The following ENAH variants were observed in gnomAD, a reference collection of about 807,000 sequenced individuals.
ENAH encodes ENAH actin regulator.
Under a neutral mutation model 78.7 loss-of-function variants are expected in ENAH, and 23 were observed. That is an observed-to-expected ratio of 0.29 (90% CI 0.21 to 0.41). The LOEUF (loss-of-function observed/expected upper bound fraction) is 0.41, where lower values mean the gene tolerates loss of function less well. ENAH is among the 10% of genes least tolerant of loss of function. ENAH has a pLI of 1.00. For synonymous variants in ENAH, 226 were observed against 241.0 expected, an observed-to-expected ratio of 0.94 and a Z score of 0.58; for missense variants, 544 against 691.0, an observed-to-expected ratio of 0.79 and a Z score of 2.39.
At position 225,494,527 on chromosome 1, in the gene ENAH, T is replaced by C. The variant is rs1486487412; in HGVS notation, c.*3248A>G. On this transcript the variant is annotated 3_prime_UTR_variant, in exon 14 of 14. Coordinates refer to ENST00000366843, the MANE Select transcript of ENAH (RefSeq NM_018212.6). ...AAAAATTAAACACTTAATCATCATC[T>C]TGACTATAAGAGGAAGTTACTGTGT... is the stretch of plus-strand genomic sequence containing the variant. The C allele has an allele frequency of 6.6e-6, 1 of 152,142 alleles. No individual in the cohort carries two copies. Among genetic ancestry groups the C allele is most frequent in the East Asian group, 1.9e-4 (1 of 5,194 alleles). The allele number at this position is 152,142 out of a possible 1,614,324, so 9.4% of individuals were successfully genotyped here.
chr1:225,491,810 A>ATAAC lies in ENAH; in HGVS notation c.*5961_*5964dup, dbSNP rs1317120000. On this transcript the variant is annotated 3_prime_UTR_variant, in exon 14 of 14. Transcript: ENST00000366843. ...CGATTTTCTAAGCCTTCTTAGAAGA[A>ATAAC]TAACTATTTACTAAAACCCAACCAA... 1.3e-5 allele frequency: 2 copies of ATAAC among 152,222 alleles called. No individual in the cohort carries two copies. The highest frequency in any genetic ancestry group is 2.9e-5 in the Non-Finnish European group (2 of 68,042). 9.4% of individuals were successfully genotyped at this position (152,222 alleles called of 1,614,324 possible).
intron 1 of ENAH, among the ~76,000 whole-genome samples, chr1:225,606,255 A>T (rs1009027280): frequency 6.6e-6 from 1 of 152,112 alleles, no homozygotes; most frequent in East Asian, 1.9e-4. Flanking sequence ...TGAGTTCAGG[A>T]GTTCGAGACC....
intron 1 of ENAH, among the ~76,000 whole-genome samples, chr1:225,631,610 C>T (rs1659091064): frequency 6.7e-6 from 1 of 150,122 alleles, no homozygotes; most frequent in East Asian, 1.9e-4. Flanking sequence ...AACTAATATC[C>T]AATATTAAAA....
At chr1:225,534,346 C>G (rs1424459104) in intron 3 of ENAH, among the ~76,000 whole-genome samples, 1 of 152,094 alleles carries the variant, frequency 6.6e-6, no homozygotes, top group Non-Finnish European at 1.5e-5. Flanking sequence ...GTAACTGTGT[C>G]CTCTGGAACA....
At position 225,649,301 on chromosome 1, in the gene ENAH, T is replaced by C. The variant is rs149042680; in HGVS notation, c.5+3385A>G. On this transcript the variant is annotated intron_variant, in intron 1 of 13. Transcript: ENST00000366843. The stretch of plus-strand genomic sequence containing the variant: ...CTAGTGGAAGCCTGGACTATTTTAA[T>C]ACGGATCCAAGAATGTAAATACAAA... Among the ~76,000 whole-genome samples the C allele has an allele frequency of 3.6e-3, 541 of 152,138 alleles. 2 individuals are homozygous for C. The highest frequency in any genetic ancestry group is 0.013 in the African/African-American group (524 of 41,494).
chr1:225,502,855 G>GA (rs2096291580), intron 11 of ENAH, among the ~76,000 whole-genome samples: 1 of 152,104 alleles, frequency 6.6e-6, no homozygotes, highest in Non-Finnish European at 1.5e-5. Flanking sequence ...ACCTATTCCT[G>GA]TTCTCTAGAA....
intron 11 of ENAH, among the ~76,000 whole-genome samples, chr1:225,505,430 A>G (rs773348415): frequency 6.6e-6 from 1 of 152,248 alleles, no homozygotes; most frequent in Non-Finnish European, 1.5e-5. Flanking sequence ...CCCAAACGTT[A>G]TAATCCAGTC....
At chr1:225,525,167 C>A (rs1241322753) in intron 4 of ENAH, among the ~76,000 whole-genome samples, 1 of 152,154 alleles carries the variant, frequency 6.6e-6, no homozygotes, top group South Asian at 2.1e-4. Context: ...TACTTCTAGA[C>A]TTTTCATATT....
chr1:225,592,805 C>G (rs1405206135), intron 1 of ENAH, among the ~76,000 whole-genome samples: 1 of 144,430 alleles, frequency 6.9e-6, no homozygotes, highest in Non-Finnish European at 1.5e-5. Flanking sequence ...GGCTGCAGAC[C>G]AGATATTTAT....
rs1039074635 is a variant in ENAH at position 225,621,458 on chromosome 1, A to G, written c.5+31228T>C. On this transcript the variant is annotated intron_variant, in intron 1 of 13. Transcript: ENST00000366843. ...CAGGCGCCCGCCACTACGCCCGGCTAATTTTTTGTATTTTTAGTAGAGACG... is the reference window on the plus strand; with the variant it reads ...CAGGCGCCCGCCACTACGCCCGGCTGATTTTTTGTATTTTTAGTAGAGACG... Among the ~76,000 whole-genome samples, 23 of 151,344 alleles carry G rather than the reference A, an allele frequency of 1.5e-4. 1 individual carries two copies. The highest frequency in any genetic ancestry group is 5.6e-4 in the African/African-American group (23 of 41,228).
At chr1:225,592,145 T>C (rs1183579290) in intron 1 of ENAH, among the ~76,000 whole-genome samples, 1 of 152,242 alleles carries the variant, frequency 6.6e-6, no homozygotes, top group Non-Finnish European at 1.5e-5. Flanking sequence ...AACAGTATTT[T>C]GGTAAATGGA....
rs1203605019 is a variant in ENAH at position 225,493,180 on chromosome 1, C to T, written c.*4595G>A. The T allele has an allele frequency of 1.3e-5, 2 of 152,060 alleles. No homozygotes were observed. Among genetic ancestry groups the T allele is most frequent in the Admixed American group, 6.6e-5 (1 of 15,266 alleles). 9.4% of individuals were successfully genotyped at this position (152,060 alleles called of 1,614,324 possible). On this transcript the variant is annotated 3_prime_UTR_variant, in exon 14 of 14. Transcript: ENST00000366843. ...TGTCTCAAAAATTATCGAGAGATAACATAAAGGGGAACACACCAAATAATC... is the reference window on the plus strand; with the variant it reads ...TGTCTCAAAAATTATCGAGAGATAATATAAAGGGGAACACACCAAATAATC...
chr1:225,644,882 C>G (rs1051672071), intron 1 of ENAH, among the ~76,000 whole-genome samples: 1 of 152,056 alleles, frequency 6.6e-6, no homozygotes, highest in African/African-American at 2.4e-5. Context: ...GTAAACAAAC[C>G]CCAGAAAATC....
intron 1 of ENAH, among the ~76,000 whole-genome samples, chr1:225,571,236 G>A (rs1419257469): frequency 1.3e-5 from 2 of 151,942 alleles, no homozygotes; most frequent in Non-Finnish European, 2.9e-5. Flanking sequence ...AGCCAGGCAT[G>A]GTGACGTGCA....
chr1:225,533,686 C>T lies in ENAH; in HGVS notation c.350-3048G>A, dbSNP rs185353893. 5.2e-3 allele frequency among the ~76,000 whole-genome samples: 798 copies of T among 152,226 alleles called. 6 individuals carry two copies. The highest frequency in any genetic ancestry group is 0.01 in the Middle Eastern group (3 of 290). On this transcript the variant is annotated intron_variant, in intron 3 of 13. Transcript: ENST00000366843. ...TTGTAACAGAGAAATGTGGCAATGT[C>T]ACTGATACAGTACCCTATAAATGAT...
chr1:225,564,239 C>A (rs115716200), intron 2 of ENAH, among the ~76,000 whole-genome samples: 1 of 151,934 alleles, frequency 6.6e-6, no homozygotes, highest in East Asian at 1.9e-4. Flanking sequence ...CTCAGCCTCT[C>A]GAGTAGCTGG....
At chr1:225,576,008 G>A (rs2151575004) in intron 1 of ENAH, among the ~76,000 whole-genome samples, 2 of 152,156 alleles carry the variant, frequency 1.3e-5, no homozygotes, top group Middle Eastern at 6.8e-3. Flanking sequence ...CACTCTAAAT[G>A]CTCAGAGCTC....
intron 2 of ENAH, among the ~76,000 whole-genome samples, chr1:225,555,571 G>T (rs1207869140): frequency 6.7e-6 from 1 of 148,720 alleles, no homozygotes; most frequent in Non-Finnish European, 1.5e-5. Context: ...GATAGAGCGA[G>T]ACTCTGTCTC....
intron 3 of ENAH, among the ~76,000 whole-genome samples, chr1:225,550,469 T>C (rs1306103856): frequency 6.6e-6 from 1 of 152,226 alleles, no homozygotes; most frequent in Admixed American, 6.5e-5. Flanking sequence ...AAGCTTAATA[T>C]TGTTTGCATT....
Sources: gnomAD v4.1 joint callset for allele counts (sites outside exome capture counted in the v4.1 genomes callset) on GRCh38, gnomAD v4.1.1 for gene constraint, MANE v1.5 for transcripts, NCBI Gene and HGNC (gene_info 2026-07-23, HGNC 2026-07-21) for gene names.